AMBRA1: variants seen among roughly 807,000 people sequenced by gnomAD.
The protein encoded by AMBRA1 is activating molecule in BECN1-regulated autophagy protein 1.
In AMBRA1, 47 loss-of-function variants were observed where a neutral mutation model predicts 125.4. The ratio of observed to expected loss-of-function variants is 0.37; its 90% CI spans 0.30 to 0.48. AMBRA1 has a LOEUF of 0.48. AMBRA1 is among the 20% of genes least tolerant of loss of function. AMBRA1 has a pLI of 0.99. For missense variants in AMBRA1, 1,331 were observed against 1,693.4 expected (o/e 0.79, Z 3.76); for synonymous variants, 626 against 655.5 (o/e 0.95, Z 0.69).
At chr11:46,561,572 C>T (rs1403808990) in intron 1 of AMBRA1, among the ~76,000 whole-genome samples, 1 of 152,112 alleles carries the variant, frequency 6.6e-6, no homozygotes, top group East Asian at 1.9e-4. Flanking sequence ...TGAATTCAGG[C>T]TTTTCCTTCA....
chr11:46,592,929 G>C (rs1422463919), intron 1 of AMBRA1, among the ~76,000 whole-genome samples: 1 of 152,096 alleles, frequency 6.6e-6, no homozygotes, highest in African/African-American at 2.4e-5. Context: ...AGGCTGGGGA[G>C]AAGGAGGATA....
At position 46,397,829 on chromosome 11, in the gene AMBRA1, G is replaced by A. The variant is rs1369068781; in HGVS notation, c.3518C>T (p.Ala1173Val). ...GTTGTTGCCGAAGCCGCCCATGGAG[G>A]CCATGGTGGTGCTCTGCTCCCGCTG... The part of the protein sequence containing the change: ...VVQREQSTTM[A>V]SMGGFGNNII... Residue 1173 changes from alanine (A) to valine (V), a missense_variant, in exon 18 of 18, where the codon GCC becomes GTC. Transcript: ENST00000683756. The A allele has an allele frequency of 6.2e-7, 1 of 1,604,314 alleles. No homozygotes were observed. The highest frequency in any genetic ancestry group is 8.5e-7 in the Non-Finnish European group (1 of 1,179,966).
Position 46,542,194 on chromosome 11 carries a change from C to A in AMBRA1, c.1823G>T (p.Ser608Ile), listed in dbSNP as rs755464260. Residue 608 changes from serine to isoleucine, a missense_variant, in exon 7 of 18, where the codon AGT (serine) becomes ATT (isoleucine). By Grantham distance (142) the Ser-to-Ile change is moderately radical (BLOSUM62 -2). Coordinates refer to ENST00000683756, the MANE Select transcript of AMBRA1 (RefSeq NM_001387011.1). This position sits in a 1 kb window ranked among gnomAD's most constrained non-coding sequence, Gnocchi z 5.9. ...CAACTGGCTGCCACTTGATGGCACA[C>A]TCTCAAAGGAGCTGGGGACCTGCCA... ...SSWQVPSSFESVPSSGSQLPP... is the reference protein window; with the variant it reads ...SSWQVPSSFEIVPSSGSQLPP... 1.2e-6 allele frequency: 2 copies of A among 1,613,790 alleles called. No homozygotes were observed. Among genetic ancestry groups the A allele is most frequent in the South Asian group, 2.2e-5 (2 of 91,058 alleles).
At position 46,408,498 on chromosome 11, in the gene AMBRA1, C is replaced by A; in HGVS notation, c.3403+15G>T. ...GGTCCCTCTCCCACCCCCTCCAGCG[C>A]CACATGGCTCCTACCTTCACCAGGA... On this transcript the variant is annotated intron_variant, in intron 17 of 17. Transcript: ENST00000683756. 2 of 1,516,172 alleles carry A rather than the reference C, an allele frequency of 1.3e-6. No homozygotes were observed. Among genetic ancestry groups the A allele is most frequent in the Non-Finnish European group, 1.8e-6 (2 of 1,126,646 alleles). The allele number at this position is 1,516,172 out of a possible 1,614,324, so 93.9% of individuals were successfully genotyped here.
At chr11:46,536,923 G>T (rs1013116918) in intron 7 of AMBRA1, among the ~76,000 whole-genome samples, 1 of 152,158 alleles carries the variant, frequency 6.6e-6, no homozygotes. Context: ...CTCAGAAGAC[G>T]CTCAGTCTTA....
chr11:46,581,085 C>T (rs563611300), intron 1 of AMBRA1, among the ~76,000 whole-genome samples: 3 of 152,008 alleles, frequency 2.0e-5, no homozygotes, highest in Middle Eastern at 3.2e-3. Flanking sequence ...TGAGCCACCG[C>T]GCCCGGCCCC....
intron 14 of AMBRA1, chr11:46,429,272 G>A (rs1052147982): frequency 1.2e-6 from 1 of 833,648 alleles, no homozygotes; most frequent in African/African-American, 1.7e-5. Flanking sequence ...TCAGAAATCG[G>A]TGTGTGGGGA....
chr11:46,545,847 A>C, intron 4 of AMBRA1, 71 bp from the exon 5 acceptor site: 3 of 1,491,998 alleles, frequency 2.0e-6, no homozygotes, highest in Non-Finnish European at 2.8e-6. Flanking sequence ...AATTTCAAGA[A>C]AGGTCCATTT....
chr11:46,582,368 T>C (rs1382457675), intron 1 of AMBRA1, among the ~76,000 whole-genome samples: 2 of 152,212 alleles, frequency 1.3e-5, no homozygotes. Context: ...TCCAGTTTAA[T>C]TCAGGTTCCC....
intron 11 of AMBRA1, among the ~76,000 whole-genome samples, chr11:46,467,895 A>G (rs1380106207): frequency 6.6e-6 from 1 of 152,172 alleles, no homozygotes; most frequent in Non-Finnish European, 1.5e-5. Context: ...CATGTTTACC[A>G]GAAGTCTAGG....
chr11:46,413,874 G>T (rs1946409780), intron 15 of AMBRA1, among the ~76,000 whole-genome samples: 1 of 152,188 alleles, frequency 6.6e-6, no homozygotes, highest in African/African-American at 2.4e-5. Flanking sequence ...TGTCTTCTTG[G>T]GTCTCAGTGA....
At chr11:46,474,381 C>G (rs1949726673) in intron 11 of AMBRA1, among the ~76,000 whole-genome samples, 1 of 151,980 alleles carries the variant, frequency 6.6e-6, no homozygotes, top group African/African-American at 2.4e-5. Flanking sequence ...AACAGAGGCC[C>G]AATTTCTAAC....
intron 17 of AMBRA1, among the ~76,000 whole-genome samples, chr11:46,399,456 T>C (rs1565115576): frequency 1.3e-5 from 2 of 151,916 alleles, no homozygotes; most frequent in African/African-American, 4.8e-5. Context: ...AACCTCCACC[T>C]CCCAGGTTCA....
At chr11:46,528,688 G>C (rs952829325) in intron 7 of AMBRA1, among the ~76,000 whole-genome samples, 3 of 152,138 alleles carry the variant, frequency 2.0e-5, no homozygotes, top group African/African-American at 4.8e-5. Flanking sequence ...AGATGAAGAG[G>C]TTCTAGAGAT....
intron 12 of AMBRA1, among the ~76,000 whole-genome samples, chr11:46,440,339 A>G (rs1464851191): frequency 2.0e-5 from 3 of 152,240 alleles, no homozygotes; most frequent in Non-Finnish European, 2.9e-5. Context: ...GAGTACATAC[A>G]GCATGCTACC....
Position 46,397,348 on chromosome 11 carries a change from T to G in AMBRA1, c.*102A>C, listed in dbSNP as rs1038771315. The stretch of plus-strand genomic sequence containing the variant: ...TGACCCTCTTCCTCCTCCTGTTCCC[T>G]GATGCAGCCAGCAGCTCTTCCACAT... On this transcript the variant is annotated 3_prime_UTR_variant, in exon 18 of 18. Transcript: ENST00000683756. 9.2e-5 allele frequency: 128 copies of G among 1,385,378 alleles called. No individual in the cohort carries two copies. Among genetic ancestry groups the G allele is most frequent in the Non-Finnish European group, 1.2e-4 (124 of 1,065,974 alleles). The allele number at this position is 1,385,378 out of a possible 1,614,324, so 85.8% of individuals were successfully genotyped here.
At chr11:46,429,758 G>A (rs1165251455) in intron 14 of AMBRA1, among the ~76,000 whole-genome samples, 1 of 152,034 alleles carries the variant, frequency 6.6e-6, no homozygotes, top group Non-Finnish European at 1.5e-5. Flanking sequence ...TTACAATACT[G>A]TGCCTGGTTC....
chr11:46,428,697 A>C lies in AMBRA1; in HGVS notation c.2976+4777T>G, dbSNP rs1447083592. On this transcript the variant is annotated intron_variant, in intron 14 of 17. Coordinates refer to ENST00000683756, the MANE Select transcript of AMBRA1 (RefSeq NM_001387011.1). ...CGTCCACGACCAAATCCGCCTCTAA[A>C]CTGGAATTCGGTTGCTGACCCAGCC... 2.5e-6 allele frequency: 4 copies of C among 1,604,338 alleles called. No homozygotes were observed. In the South Asian group the frequency reaches 3.3e-5, roughly 13 times the overall value.
In AMBRA1 at chr11:46,497,151, T is replaced by A. The variant is rs554562267; in HGVS notation, c.2340-2947A>T. Among the ~76,000 whole-genome samples the A allele has an allele frequency of 4.0e-5, 6 of 151,082 alleles. No homozygotes were observed. The East Asian group carries it at 1.2e-3, about 29-fold the overall frequency. ...AATAAAATAAAATAAAATAAAAAAATAAAGGGAAGGGGTTAAGATGATAAA... is the reference window on the plus strand; with the variant it reads ...AATAAAATAAAATAAAATAAAAAAAAAAAGGGAAGGGGTTAAGATGATAAA... On this transcript the variant is annotated intron_variant, in intron 9 of 17. Transcript: ENST00000683756.
Sources: gnomAD v4.1 joint callset for allele counts (sites outside exome capture counted in the v4.1 genomes callset) on GRCh38, gnomAD v4.1.1 for gene constraint, Gnocchi (gnomAD v3.1) non-coding constraint, MANE v1.5 for transcripts, NCBI Gene and HGNC (gene_info 2026-07-23, HGNC 2026-07-21) for gene names.